Variants in FANCD2OS observed in about 807,000 individuals in gnomAD.
FANCD2OS encodes FANCD2 opposite strand protein.
A neutral mutation model predicts 13.2 loss-of-function variants in FANCD2OS; 11 were observed. The observed-to-expected ratio is 0.83, with a 90% confidence interval of 0.52 to 1.38. The LOEUF (loss-of-function observed/expected upper bound fraction) is 1.38. FANCD2OS is among the 40% of genes most tolerant of loss of function. The pLI is 0.00. For synonymous variants in FANCD2OS, 69 were observed against 84.5 expected, an observed-to-expected ratio of 0.82 and a Z score of 1.01; for missense variants, 217 against 213.9, an observed-to-expected ratio of 1.01 and a Z score of -0.09.
intron 1 of FANCD2OS, among the ~76,000 whole-genome samples, chr3:10,107,586 C>T (rs936185523): frequency 6.6e-6 from 1 of 151,616 alleles, no homozygotes; most frequent in African/African-American, 2.4e-5. Flanking sequence ...GGGCCCGGGC[C>T]CCCCGGATCC....
intron 2 of FANCD2OS, among the ~76,000 whole-genome samples, chr3:10,084,895 T>C (rs1575834037): frequency 6.6e-6 from 1 of 152,178 alleles, no homozygotes; most frequent in East Asian, 1.9e-4. Context: ...AAAACACTTC[T>C]GGCAGCAGAG....
intron 2 of FANCD2OS, among the ~76,000 whole-genome samples, chr3:10,095,993 T>C (rs142313698): frequency 1.1e-4 from 16 of 152,262 alleles, no homozygotes; most frequent in African/African-American, 3.9e-4. Flanking sequence ...AGTGAATGTT[T>C]AAGGAATTCT....
downstream of FANCD2OS, among the ~76,000 whole-genome samples, chr3:10,099,856 CTCTG>C (rs1348033058): frequency 1.3e-5 from 2 of 152,160 alleles, no homozygotes; most frequent in African/African-American, 4.8e-5. Context: ...GCTGTGGGGC[CTCTG>C]TCTGTAATGC....
At chr3:10,085,453 A>G (rs910581627) in intron 2 of FANCD2OS, among the ~76,000 whole-genome samples, 2 of 145,124 alleles carry the variant, frequency 1.4e-5, no homozygotes, top group Non-Finnish European at 3.0e-5. Context: ...GTGCAGTGGC[A>G]CAATCTCGGC....
At chr3:10,086,617 G>A (rs1559403223) in intron 2 of FANCD2OS, among the ~76,000 whole-genome samples, 1 of 152,102 alleles carries the variant, frequency 6.6e-6, no homozygotes, top group Non-Finnish European at 1.5e-5. Flanking sequence ...AAGACGCTGG[G>A]ATTACAGGCG....
chr3:10,082,165 A>G (rs1013818458), intron 2 of FANCD2OS, among the ~76,000 whole-genome samples: 1 of 152,230 alleles, frequency 6.6e-6, no homozygotes, highest in Non-Finnish European at 1.5e-5. Flanking sequence ...CTGGCTTAGT[A>G]AATGGTACCA....
downstream of FANCD2OS, among the ~76,000 whole-genome samples, chr3:10,100,172 C>G (rs984211533): frequency 6.6e-6 from 1 of 152,134 alleles, no homozygotes. Context: ...AGAGCGAGAC[C>G]CTGTCTCAAA....
chr3:10,105,762 AAAAAAAAAATTATAT>A (rs1182019106), intron 1 of FANCD2OS, among the ~76,000 whole-genome samples: 2 of 75,048 alleles, frequency 2.7e-5, no homozygotes, highest in African/African-American at 1.3e-4. Context: ...AAAAAAAAAA[AAAAAAAAAATTATAT>A]ATATATATAT....
intron 2 of FANCD2OS, among the ~76,000 whole-genome samples, chr3:10,095,878 ATTTTTTT>A (rs397950663): frequency 8.0e-6 from 1 of 125,772 alleles, no homozygotes. Flanking sequence ...CTGAACAGTG[ATTTTTTT>A]TTTTTTTTTT....
intron 1 of FANCD2OS, among the ~76,000 whole-genome samples, chr3:10,105,771 A>AAAAAAAAAAAAAATT (rs1559415162): frequency 7.1e-5 from 1 of 14,060 alleles, no homozygotes; most frequent in African/African-American, 6.3e-4. Flanking sequence ...AAAAAAAAAA[A>AAAAAAAAAAAAAATT]TTATATATAT....
Position 10,104,682 on chromosome 3 carries a change from G to C in FANCD2OS, c.93C>G (p.His31Gln). Residue 31 changes from histidine to glutamine, a missense_variant, in exon 2 of 2, where the codon CAC (histidine) becomes CAG (glutamine). Coordinates refer to ENST00000450660, the MANE Select transcript of FANCD2OS (RefSeq NM_001164839.2). ...RHTTPTPSSKHPFKASPCFPH... is the reference protein window; with the variant it reads ...RHTTPTPSSKQPFKASPCFPH... ...GGAAGCAGGGGGAGGCCTTGAATGG[G>C]TGCTTGGAGGAAGGTGTAGGTGTCG... is the stretch of plus-strand genomic sequence containing the variant. The C allele has an allele frequency of 1.2e-6, 2 of 1,614,128 alleles. No homozygotes were observed. The highest frequency in any genetic ancestry group is 1.1e-5 in the South Asian group (1 of 91,076).
chr3:10,090,435 A>G, intron 2 of FANCD2OS: 1 of 794,058 alleles, frequency 1.3e-6, no homozygotes, highest in Non-Finnish European at 2.0e-6. Context: ...ATTACTTGGA[A>G]GTTGCTGATT....
At chr3:10,101,377 CTTT>C (rs950337384), downstream of FANCD2OS, 10,846 of 368,234 alleles carry the variant, frequency 0.029, no homozygotes, top group Middle Eastern at 0.034. Flanking sequence ...TTTTGTTCCT[CTTT>C]TTTTTTTTTT....
intron 2 of FANCD2OS, among the ~76,000 whole-genome samples, chr3:10,092,855 C>G (rs1694734318): frequency 6.6e-6 from 1 of 151,848 alleles, no homozygotes; most frequent in African/African-American, 2.4e-5. Flanking sequence ...CCACACCCAG[C>G]TAATTTTTCT....
At chr3:10,096,576 G>A (rs1694980713) in intron 2 of FANCD2OS, 2 of 1,063,810 alleles carry the variant, frequency 1.9e-6, no homozygotes, top group Admixed American at 3.6e-5. Flanking sequence ...TCTCAGTAAG[G>A]CTACTTTTCT....
chr3:10,101,153 C>T (rs762515174), downstream of FANCD2OS: 19 of 1,543,322 alleles, frequency 1.2e-5, no homozygotes, highest in Non-Finnish European at 1.7e-5. Flanking sequence ...GAGCAGTAAC[C>T]TAAAATGCTT....
At chr3:10,098,433 C>T (rs1695106670), downstream of FANCD2OS, among the ~76,000 whole-genome samples, 1 of 152,004 alleles carries the variant, frequency 6.6e-6, no homozygotes, top group Non-Finnish European at 1.5e-5. Context: ...TCAGCATCGA[C>T]TTAGAGTCAC....
chr3:10,099,027 G>T (rs563307388), downstream of FANCD2OS: 3 of 1,610,384 alleles, frequency 1.9e-6, no homozygotes, highest in African/African-American at 2.7e-5. Flanking sequence ...TGAGTATCTC[G>T]AGTTGTGGCA....
At chr3:10,086,331 T>C (rs528580635) in intron 2 of FANCD2OS, among the ~76,000 whole-genome samples, 79 of 152,260 alleles carry the variant, frequency 5.2e-4, no homozygotes, top group Non-Finnish European at 1.0e-3. Context: ...GGGTAGGCAG[T>C]GGACAAGGGA....
Sources: allele counts gnomAD v4.1 joint callset (sites outside exome capture counted in the v4.1 genomes callset), GRCh38; gene constraint gnomAD v4.1.1; transcripts MANE v1.5; gene names NCBI Gene and HGNC (gene_info 2026-07-23, HGNC 2026-07-21).